Variants in DPP10 observed in about 807,000 individuals in gnomAD.
The protein encoded by DPP10 is dipeptidyl peptidase like 10, also known as inactive dipeptidyl peptidase 10.
DPP10 carries 33 observed loss-of-function variants against 120.9 expected under a neutral mutation model. That is an observed-to-expected ratio of 0.27 (90% CI 0.21 to 0.37). DPP10 has a LOEUF of 0.37. DPP10 is among the 10% of genes least tolerant of loss of function. DPP10 has a pLI of 1.00. For synonymous variants in DPP10, 337 were observed against 326.1 expected, an observed-to-expected ratio of 1.03 and a Z score of -0.36; for missense variants, 816 against 942.8, an observed-to-expected ratio of 0.87 and a Z score of 1.76.
At chr2:115,161,358 C>G (rs531279994) in intron 1 of DPP10, 1 of 152,194 alleles carries the variant, frequency 6.6e-6, no homozygotes. Context: ...CCACCCAGTG[C>G]TTCGCACGGG....
intron 1 of DPP10, among the ~76,000 whole-genome samples, chr2:115,101,284 G>A (rs2048681776): frequency 6.6e-6 from 1 of 152,146 alleles, no homozygotes; most frequent in Non-Finnish European, 1.5e-5. Flanking sequence ...GAGACTCTCA[G>A]AAATTCATGA....
At chr2:114,621,325 T>C (rs554611324) in intron 1 of DPP10, among the ~76,000 whole-genome samples, 1 of 152,260 alleles carries the variant, frequency 6.6e-6, no homozygotes, top group Non-Finnish European at 1.5e-5. Flanking sequence ...TCACCTTTGT[T>C]AATGTTTCTT....
chr2:115,187,773 G>A (rs1475263960), intron 1 of DPP10, among the ~76,000 whole-genome samples: 1 of 152,078 alleles, frequency 6.6e-6, no homozygotes, highest in Admixed American at 6.6e-5. Context: ...AGGCTGAGGC[G>A]GTCAGATCGC....
intron 1 of DPP10, among the ~76,000 whole-genome samples, chr2:114,543,719 G>T (rs893408494): frequency 6.6e-6 from 1 of 151,916 alleles, no homozygotes; most frequent in African/African-American, 2.4e-5. Flanking sequence ...TTTGTGTAGT[G>T]CTGCTTTTAA....
chr2:115,826,516 T>C (rs1367334686), intron 21 of DPP10, among the ~76,000 whole-genome samples: 1 of 151,882 alleles, frequency 6.6e-6, no homozygotes, highest in Non-Finnish European at 1.5e-5. Flanking sequence ...AGGTCAGGAG[T>C]TCGAGACCAG....
chr2:115,564,355 A>G (rs2080872241), intron 5 of DPP10, among the ~76,000 whole-genome samples: 1 of 152,036 alleles, frequency 6.6e-6, no homozygotes, highest in Non-Finnish European at 1.5e-5. Context: ...TTAAAGATAA[A>G]CTATTAACAA....
At chr2:114,842,380 C>A (rs575238865) in intron 1 of DPP10, among the ~76,000 whole-genome samples, 18 of 152,028 alleles carry the variant, frequency 1.2e-4, no homozygotes, top group Admixed American at 1.2e-3. Context: ...AAATTCTTCA[C>A]GGGCATATCC....
intron 1 of DPP10, among the ~76,000 whole-genome samples, chr2:114,921,176 T>C (rs1350419628): frequency 6.6e-6 from 1 of 152,216 alleles, no homozygotes; most frequent in Non-Finnish European, 1.5e-5. Context: ...AGGAACATTT[T>C]AGTATTTAAT....
At chr2:115,632,050 C>G (rs943866806) in intron 5 of DPP10, among the ~76,000 whole-genome samples, 2 of 152,134 alleles carry the variant, frequency 1.3e-5, no homozygotes, top group South Asian at 2.1e-4. Flanking sequence ...GAATCTAAGT[C>G]TCTTTGTAGG....
At chr2:115,611,097 C>T (rs1241063051) in intron 5 of DPP10, among the ~76,000 whole-genome samples, 1 of 152,034 alleles carries the variant, frequency 6.6e-6, no homozygotes, top group Non-Finnish European at 1.5e-5. Context: ...AACTAATACT[C>T]TGGAATTGTA....
At chr2:114,529,302 A>G (rs1188863760) in intron 1 of DPP10, among the ~76,000 whole-genome samples, 1 of 151,962 alleles carries the variant, frequency 6.6e-6, no homozygotes, top group African/African-American at 2.4e-5. Context: ...ACAACCCACT[A>G]TTTTTCCCAT....
At chr2:115,287,831 C>T (rs2060466688) in intron 1 of DPP10, among the ~76,000 whole-genome samples, 1 of 152,004 alleles carries the variant, frequency 6.6e-6, no homozygotes, top group Non-Finnish European at 1.5e-5. Flanking sequence ...AGAAGAACTA[C>T]AAAACACTGA....
chr2:114,513,501 A>C (rs1006254075), intron 1 of DPP10, among the ~76,000 whole-genome samples: 1 of 147,986 alleles, frequency 6.8e-6, no homozygotes, highest in Non-Finnish European at 1.5e-5. Flanking sequence ...AGCCTGGGCA[A>C]CAAGAGTGAA....
At chr2:114,610,055 A>G (rs1295320249) in intron 1 of DPP10, among the ~76,000 whole-genome samples, 2 of 152,218 alleles carry the variant, frequency 1.3e-5, no homozygotes, top group African/African-American at 2.4e-5. Flanking sequence ...GCCTCGTGCC[A>G]GAGACTGCTC....
At chr2:115,061,299 A>G (rs1263376139) in intron 1 of DPP10, among the ~76,000 whole-genome samples, 1 of 152,206 alleles carries the variant, frequency 6.6e-6, no homozygotes, top group Non-Finnish European at 1.5e-5. Flanking sequence ...TTAAAAATTC[A>G]TAGATAGAGA....
chr2:115,299,746 A>C (rs1574342165), intron 1 of DPP10, among the ~76,000 whole-genome samples: 1 of 152,178 alleles, frequency 6.6e-6, no homozygotes, highest in East Asian at 1.9e-4. Context: ...TCATTAGCAC[A>C]GATTTATATT....
At chr2:114,552,705 C>G (rs1687983088) in intron 1 of DPP10, among the ~76,000 whole-genome samples, 1 of 152,194 alleles carries the variant, frequency 6.6e-6, no homozygotes, top group Non-Finnish European at 1.5e-5. Flanking sequence ...ACCAACACAC[C>G]TGGCTAATTT....
intron 19 of DPP10, among the ~76,000 whole-genome samples, chr2:115,795,808 T>C (rs1021860099): frequency 6.6e-6 from 1 of 152,148 alleles, no homozygotes; most frequent in Non-Finnish European, 1.5e-5. Flanking sequence ...AATATTTTAA[T>C]TAGCATCAAG....
rs1685890314 is a variant in DPP10 at position 114,819,237 on chromosome 2, A to T, written c.60+376399A>T. ...TTTTTAGATAGACGTTTCAAGGAAAAAGGAAGTTTCATAAAATAATTTCAA... is the reference window on the plus strand; with the variant it reads ...TTTTTAGATAGACGTTTCAAGGAAATAGGAAGTTTCATAAAATAATTTCAA... On this transcript the variant is annotated intron_variant, in intron 1 of 25. Transcript: ENST00000410059. Among the ~76,000 whole-genome samples, 3 of 151,978 alleles carry T rather than the reference A, an allele frequency of 2.0e-5. 1 individual carries two copies. The South Asian group carries it at 6.2e-4, about 31-fold the overall frequency.
Sources: allele counts gnomAD v4.1 joint callset (sites outside exome capture counted in the v4.1 genomes callset), GRCh38; gene constraint gnomAD v4.1.1; transcripts MANE v1.5; gene names NCBI Gene and HGNC (gene_info 2026-07-23, HGNC 2026-07-21).